Variants in GOLIM4 observed in about 807,000 individuals in gnomAD.
GOLIM4 encodes 130 kDa golgi-localized phosphoprotein.
GOLIM4 carries 71 observed loss-of-function variants against 107.4 expected under a neutral mutation model. The observed-to-expected ratio is 0.66, with a 90% CI of 0.55 to 0.81. The LOEUF is 0.81. Among genes scored for constraint, GOLIM4 ranks in the 30% least tolerant of loss-of-function variants. The pLI is 0.00. For synonymous variants in GOLIM4, 327 were observed against 294.8 expected (o/e 1.11, Z -1.12); for missense variants, 830 against 826.1 (o/e 1.00, Z -0.06).
At chr3:168,047,339 C>T (rs746895955) in intron 2 of GOLIM4, among the ~76,000 whole-genome samples, 1 of 152,146 alleles carries the variant, frequency 6.6e-6, no homozygotes, top group African/African-American at 2.4e-5. Context: ...TGATTTATTG[C>T]TATCCACTAG....
At position 168,010,400 on chromosome 3, in the gene GOLIM4, C is replaced by T. The variant is rs1560063646; in HGVS notation, c.1960G>A (p.Asp654Asn). The change falls in exon 16 of 16, where the codon GAT becomes AAT. Residue 654 changes from aspartate to asparagine, a missense_variant. Asp to Asn is a conservative substitution (Grantham distance 23). Coordinates refer to ENST00000470487, the MANE Select transcript of GOLIM4 (RefSeq NM_014498.5). Reference sequence around the variant, plus strand: ...TCTCGAACTTCTTGCTCTTCTCCATCATTATTTTTATCATCAGTCTTAAAA... The same window carrying T: ...TCTCGAACTTCTTGCTCTTCTCCATTATTATTTTTATCATCAGTCTTAAAA... ...NDENTDDKNN[D>N]GEEQEVRDDN... 6.2e-7 allele frequency: 1 copy of T among 1,605,618 alleles called. No individual in the cohort carries two copies. Among genetic ancestry groups the T allele is most frequent in the Admixed American group, 1.7e-5 (1 of 59,728 alleles).
At chr3:168,064,911 A>G (rs1201549546) in intron 1 of GOLIM4, among the ~76,000 whole-genome samples, 2 of 152,062 alleles carry the variant, frequency 1.3e-5, no homozygotes, top group Non-Finnish European at 2.9e-5. Flanking sequence ...TTTAGATTAA[A>G]GCTACCGAAT....
At chr3:168,011,349 G>A (rs906622504) in intron 14 of GOLIM4, among the ~76,000 whole-genome samples, 1 of 152,198 alleles carries the variant, frequency 6.6e-6, no homozygotes, top group Non-Finnish European at 1.5e-5. Context: ...ATTAAAAAAC[G>A]GCGCACCACG....
At chr3:168,017,842 T>C (rs1252777186) in intron 14 of GOLIM4, among the ~76,000 whole-genome samples, 1 of 152,236 alleles carries the variant, frequency 6.6e-6, no homozygotes, top group Non-Finnish European at 1.5e-5. Context: ...CTCTTTAGTG[T>C]TCTAATACAA....
At chr3:168,091,369 C>G (rs1227632844) in intron 1 of GOLIM4, among the ~76,000 whole-genome samples, 1 of 152,174 alleles carries the variant, frequency 6.6e-6, no homozygotes, top group Non-Finnish European at 1.5e-5. Context: ...ATATCTCTCT[C>G]CCAGATCTCA....
intron 1 of GOLIM4, among the ~76,000 whole-genome samples, chr3:168,051,500 AATT>A (rs528641635): frequency 7.6e-4 from 116 of 152,360 alleles, no homozygotes; most frequent in South Asian, 2.3e-3. Flanking sequence ...CGTGTTTGCG[AATT>A]ATTGTTAAAA....
intron 12 of GOLIM4, among the ~76,000 whole-genome samples, chr3:168,027,107 T>C (rs1176789694): frequency 6.6e-6 from 1 of 151,718 alleles, no homozygotes; most frequent in Non-Finnish European, 1.5e-5. Context: ...CCAGCTGAAC[T>C]AGAGGTCTCA....
chr3:168,046,829 A>C (rs1452340402), intron 3 of GOLIM4, 121 bp downstream of exon 3: 2 of 469,334 alleles, frequency 4.3e-6, no homozygotes, highest in African/African-American at 4.1e-5. Flanking sequence ...AGGGGGTGTC[A>C]GTCCTATAAT....
chr3:168,078,432 T>C (rs1721177955), intron 1 of GOLIM4, among the ~76,000 whole-genome samples: 1 of 152,198 alleles, frequency 6.6e-6, no homozygotes, highest in Admixed American at 6.5e-5. Flanking sequence ...ATGTAATAAA[T>C]TGCTGAATAT....
chr3:168,073,390 T>C (rs772067551), intron 1 of GOLIM4, among the ~76,000 whole-genome samples: 1 of 152,242 alleles, frequency 6.6e-6, no homozygotes. Context: ...CAGGAATGCA[T>C]GTGGAAACAC....
intron 4 of GOLIM4, 36 bp from the exon 5 acceptor site, chr3:168,043,565 C>T: frequency 6.5e-7 from 1 of 1,547,392 alleles, no homozygotes; most frequent in Non-Finnish European, 8.7e-7. Context: ...AATATACATT[C>T]TCTGAATTAT....
chr3:168,036,922 C>G lies in GOLIM4; in HGVS notation c.757G>C (p.Ala253Pro). 6.3e-7 allele frequency: 1 copy of G among 1,598,412 alleles called. No homozygotes were observed. ...ACCTGGGTCACATTTTGCTGTTCTG[C>G]TGGATCAGGTTTTCGAAGGCTTGGA... is the stretch of plus-strand genomic sequence containing the variant. ...RIPSLRKPDP[A>P]EQQNVTQVAH... The change falls in exon 8 of 16, where the codon GCA becomes CCA. Residue 253 changes from alanine to proline, a missense_variant. Ala to Pro is a conservative substitution (Grantham distance 27). Coordinates refer to ENST00000470487, the MANE Select transcript of GOLIM4 (RefSeq NM_014498.5).
chr3:168,083,592 G>A (rs1030012461), intron 1 of GOLIM4, among the ~76,000 whole-genome samples: 15 of 152,078 alleles, frequency 9.9e-5, no homozygotes, highest in African/African-American at 3.4e-4. Flanking sequence ...CAATTTAATG[G>A]TAAGTCACAT....
chr3:168,050,604 G>T (rs943504653), intron 1 of GOLIM4, among the ~76,000 whole-genome samples: 8 of 152,002 alleles, frequency 5.3e-5, no homozygotes, highest in East Asian at 1.9e-4. Context: ...TCCCTTCACC[G>T]CCAATCCACT....
rs190209911 is a variant in GOLIM4 at position 168,023,306 on chromosome 3, C to G, written c.1860+1220G>C. Among the ~76,000 whole-genome samples, 817 of 152,324 alleles carry G rather than the reference C, an allele frequency of 5.4e-3. 2 individuals are homozygous for G. The highest frequency in any genetic ancestry group is 7.9e-3 in the Non-Finnish European group (540 of 68,034). On this transcript the variant is annotated intron_variant, in intron 14 of 15. Coordinates refer to ENST00000470487, the MANE Select transcript of GOLIM4 (RefSeq NM_014498.5). ...AGGTCACTATTTTCTCTGCTGCTCT[C>G]TTTCTGACAAGACAGCCAAGGGTCT...
At chr3:168,019,516 T>C (rs897318105) in intron 14 of GOLIM4, among the ~76,000 whole-genome samples, 1 of 152,188 alleles carries the variant, frequency 6.6e-6, no homozygotes, top group South Asian at 2.1e-4. Context: ...AGTTGGTATA[T>C]TCTAATCATG....
In GOLIM4 at chr3:168,029,771, G is replaced by C; in HGVS notation, c.1433+9C>G. ...GCTGTCTTCGTTCATTAAGGAAGGG[G>C]AAGGCTACCGGAGCTGCTCCTGGTG... is the stretch of plus-strand genomic sequence containing the variant. On this transcript the variant is annotated intron_variant, in intron 10 of 15. Coordinates refer to ENST00000470487, the MANE Select transcript of GOLIM4 (RefSeq NM_014498.5). The C allele has an allele frequency of 6.2e-7, 1 of 1,611,032 alleles. No individual in the cohort carries two copies. The highest frequency in any genetic ancestry group is 8.5e-7 in the Non-Finnish European group (1 of 1,178,096).
Position 168,024,912 on chromosome 3 carries a change from C to G in GOLIM4, c.1791+16G>C, listed in dbSNP as rs768077239. On this transcript the variant is annotated intron_variant, in intron 13 of 15. Transcript: ENST00000470487. ...TAGCCCAGTTAAATCCACCCTTCCTCGTGGCATCTGCTTACCACCAAATGT... is the reference window on the plus strand; with the variant it reads ...TAGCCCAGTTAAATCCACCCTTCCTGGTGGCATCTGCTTACCACCAAATGT... The G allele has an allele frequency of 4.4e-6, 7 of 1,606,192 alleles. No individual in the cohort carries two copies. The highest frequency in any genetic ancestry group is 2.7e-5 in the African/African-American group (2 of 74,700).
In GOLIM4 at chr3:168,095,390, T is replaced by C; in HGVS notation, c.-105A>G. On this transcript the variant is annotated 5_prime_UTR_variant, in exon 1 of 16. The change abolishes an upstream ATG in the 5' untranslated region. Coordinates refer to ENST00000470487, the MANE Select transcript of GOLIM4 (RefSeq NM_014498.5). Reference sequence around the variant, plus strand: ...CCGCAGTAGGTGGCCAGACGCAGCATGAGGAGGAGATGCCAGACACAAAAG... The same window carrying C: ...CCGCAGTAGGTGGCCAGACGCAGCACGAGGAGGAGATGCCAGACACAAAAG... 1.1e-6 allele frequency: 1 copy of C among 919,812 alleles called. No homozygotes were observed. The highest frequency in any genetic ancestry group is 2.9e-5 in the East Asian group (1 of 33,950). The allele number at this position is 919,812 out of a possible 1,614,324, so 57.0% of individuals were successfully genotyped here. A position where few individuals can be genotyped will look rare whatever the true frequency, so the allele number is the denominator to read the frequency against.
Sources: allele counts gnomAD v4.1 joint callset (sites outside exome capture counted in the v4.1 genomes callset), GRCh38; gene constraint gnomAD v4.1.1; transcripts MANE v1.5; gene names NCBI Gene and HGNC (gene_info 2026-07-23, HGNC 2026-07-21).